Variants in FHOD3 observed in about 807,000 individuals in gnomAD.
FHOD3 encodes the protein FH1/FH2 domain-containing protein 3.
A neutral mutation model predicts 173.0 loss-of-function variants in FHOD3; 90 were observed. The observed-to-expected ratio is 0.52, with a 90% CI of 0.44 to 0.62. FHOD3 has a LOEUF of 0.62. Ranked by LOEUF, FHOD3 falls within the 20% of genes least tolerant of loss-of-function variation. The pLI, the probability that FHOD3 is intolerant of heterozygous loss-of-function variation, is 0.00. For missense variants in FHOD3, 1,945 were observed against 2,034.7 expected, an observed-to-expected ratio of 0.96 and a Z score of 0.85; for synonymous variants, 828 against 823.0, an observed-to-expected ratio of 1.01 and a Z score of -0.10.
Position 36,374,513 on chromosome 18 carries a change from A to T in FHOD3, c.337+1769A>T, listed in dbSNP as rs3744899. 3.3e-3 allele frequency among the ~76,000 whole-genome samples: 508 copies of T among 152,376 alleles called. 3 individuals carry two copies. Among genetic ancestry groups the T allele is most frequent in the East Asian group, 0.017 (88 of 5,190 alleles). ...AAGGTCACTGCTTCTTTGAAAGTTCACTATTTTGGAAAAGACTCAAAATTA... is the reference window on the plus strand; with the variant it reads ...AAGGTCACTGCTTCTTTGAAAGTTCTCTATTTTGGAAAAGACTCAAAATTA... On this transcript the variant is annotated intron_variant, in intron 3 of 28. Coordinates refer to ENST00000590592, the MANE Select transcript of FHOD3 (RefSeq NM_001281740.3).
At chr18:36,582,743 T>C (rs1239046274) in intron 6 of FHOD3, among the ~76,000 whole-genome samples, 2 of 152,246 alleles carry the variant, frequency 1.3e-5, no homozygotes, top group Non-Finnish European at 2.9e-5. Flanking sequence ...AATAGTAATA[T>C]GGTAGCTGGG....
intron 10 of FHOD3, among the ~76,000 whole-genome samples, chr18:36,628,711 G>GA (rs1277652266): frequency 6.6e-6 from 1 of 152,152 alleles, no homozygotes; most frequent in Non-Finnish European, 1.5e-5. Flanking sequence ...ATTGGAAGGG[G>GA]AAAAAATCTT....
Position 36,556,045 on chromosome 18 carries a change from A to G in FHOD3, c.512-20406A>G, listed in dbSNP as rs78061881. ...TTTTATATTTATTGTGACTAATGATATGGTTAGGTTTAAACCTGTCATTTT... is the reference window on the plus strand; with the variant it reads ...TTTTATATTTATTGTGACTAATGATGTGGTTAGGTTTAAACCTGTCATTTT... On this transcript the variant is annotated intron_variant, in intron 5 of 28. Coordinates refer to ENST00000590592, the MANE Select transcript of FHOD3 (RefSeq NM_001281740.3). 3.2e-4 allele frequency among the ~76,000 whole-genome samples: 48 copies of G among 152,232 alleles called. 2 individuals are homozygous for G. The highest frequency in any genetic ancestry group is 1.1e-3 in the African/African-American group (47 of 41,524).
At chr18:36,608,463 C>T (rs1286878753) in intron 8 of FHOD3, among the ~76,000 whole-genome samples, 4 of 152,224 alleles carry the variant, frequency 2.6e-5, no homozygotes, top group Non-Finnish European at 5.9e-5. Flanking sequence ...TCCCTTCCGA[C>T]ACTGCTGCAT....
At chr18:36,727,356 G>A (rs2041130016) in intron 19 of FHOD3, among the ~76,000 whole-genome samples, 1 of 152,114 alleles carries the variant, frequency 6.6e-6, no homozygotes, top group South Asian at 2.1e-4. Flanking sequence ...GAAGGAGAGA[G>A]TTGGACAGCC....
intron 20 of FHOD3, among the ~76,000 whole-genome samples, chr18:36,738,032 T>C (rs951785697): frequency 6.6e-6 from 1 of 152,234 alleles, no homozygotes; most frequent in Non-Finnish European, 1.5e-5. Context: ...TAACCACTTA[T>C]GTATTCCCCA....
intron 1 of FHOD3, among the ~76,000 whole-genome samples, chr18:36,324,531 GCTT>G (rs2044567850): frequency 6.6e-6 from 1 of 152,124 alleles, no homozygotes; most frequent in African/African-American, 2.4e-5. Context: ...TATATAAAAG[GCTT>G]CTTAAATAAG....
intron 1 of FHOD3, among the ~76,000 whole-genome samples, chr18:36,341,805 C>G (rs1391839106): frequency 6.6e-6 from 1 of 152,086 alleles, no homozygotes; most frequent in Admixed American, 6.6e-5. Flanking sequence ...AAAATCCTCT[C>G]TGAAGGAAAA....
intron 18 of FHOD3, chr18:36,709,728 G>A: frequency 3.7e-6 from 1 of 266,884 alleles, no homozygotes; most frequent in African/African-American, 2.2e-5. Context: ...CTGTTCCATT[G>A]TGAATAATAG....
At chr18:36,630,586 G>T (rs1179492989) in intron 10 of FHOD3, among the ~76,000 whole-genome samples, 1 of 152,120 alleles carries the variant, frequency 6.6e-6, no homozygotes, top group Non-Finnish European at 1.5e-5. Flanking sequence ...AAACAAGTTG[G>T]CAAGAGAGAA....
intron 3 of FHOD3, among the ~76,000 whole-genome samples, chr18:36,406,095 GTT>G (rs869207082): frequency 1.2e-4 from 14 of 120,002 alleles, no homozygotes; most frequent in African/African-American, 3.9e-4. Context: ...TTTTGTTTTT[GTT>G]TTTTTGTTTT....
intron 15 of FHOD3, among the ~76,000 whole-genome samples, chr18:36,683,457 A>G (rs491449): frequency 0.49 from 73,617 of 151,702 alleles, 17,977 homozygotes; most frequent in East Asian, 0.67. Context: ...AATGTGTGAA[A>G]CTCTGAAAAC....
chr18:36,607,702 A>T (rs1270805018), intron 8 of FHOD3, among the ~76,000 whole-genome samples: 1 of 152,156 alleles, frequency 6.6e-6, no homozygotes, highest in African/African-American at 2.4e-5. Flanking sequence ...ATAAGCAGTT[A>T]AGAGTAACTA....
intron 9 of FHOD3, among the ~76,000 whole-genome samples, chr18:36,616,696 T>A (rs1160052984): frequency 6.6e-6 from 1 of 152,226 alleles, no homozygotes; most frequent in Admixed American, 6.5e-5. Flanking sequence ...CGCTTCATTG[T>A]CATCCTACTA....
intron 17 of FHOD3, among the ~76,000 whole-genome samples, chr18:36,695,209 G>A (rs535327877): frequency 1.3e-5 from 2 of 151,928 alleles, no homozygotes; most frequent in African/African-American, 2.4e-5. Context: ...AAAATTAGCC[G>A]GGCGTGGTGG....
At chr18:36,721,335 G>T (rs1363824724) in intron 19 of FHOD3, among the ~76,000 whole-genome samples, 1 of 152,146 alleles carries the variant, frequency 6.6e-6, no homozygotes, top group Admixed American at 6.6e-5. Flanking sequence ...TGCAAGTTAG[G>T]ATTAAAACAC....
intron 8 of FHOD3, among the ~76,000 whole-genome samples, chr18:36,609,963 C>T (rs2032504090): frequency 6.6e-6 from 1 of 152,168 alleles, no homozygotes; most frequent in Admixed American, 6.5e-5. Context: ...GTGATTCCCT[C>T]ACCCTTTATG....
chr18:36,532,426 TG>T (rs2056824823), intron 5 of FHOD3, among the ~76,000 whole-genome samples: 2 of 152,260 alleles, frequency 1.3e-5, no homozygotes, highest in South Asian at 4.1e-4. Flanking sequence ...CTGTGGCACC[TG>T]GGGGACAGGG....
intron 17 of FHOD3, among the ~76,000 whole-genome samples, chr18:36,708,287 T>C (rs897499129): frequency 6.6e-5 from 10 of 152,172 alleles, no homozygotes; most frequent in Non-Finnish European, 1.3e-4. Context: ...TATGAGCAAA[T>C]ATAACCCAAG....
Sources: allele counts gnomAD v4.1 joint callset (sites outside exome capture counted in the v4.1 genomes callset), GRCh38; gene constraint gnomAD v4.1.1; transcripts MANE v1.5; gene names NCBI Gene and HGNC (gene_info 2026-07-23, HGNC 2026-07-21).